TYW1: variants seen among roughly 807,000 people sequenced by gnomAD.
TYW1 encodes the protein tRNA-yW synthesizing protein 1 homolog.
In TYW1, 46 loss-of-function variants were observed where a neutral mutation model predicts 96.2. The ratio of observed to expected loss-of-function variants is 0.48; its 90% CI spans 0.38 to 0.61. The LOEUF is 0.61. Ranked by LOEUF, TYW1 falls within the 20% of genes least tolerant of loss-of-function variation. TYW1 has a pLI of 0.00. For synonymous variants in TYW1, 274 were observed against 323.0 expected, an observed-to-expected ratio of 0.85 and a Z score of 1.63; for missense variants, 684 against 909.6, an observed-to-expected ratio of 0.75 and a Z score of 3.19.
At chr7:67,213,292 T>C (rs1801099973) in intron 15 of TYW1, among the ~76,000 whole-genome samples, 1 of 152,132 alleles carries the variant, frequency 6.6e-6, no homozygotes, top group Admixed American at 6.5e-5. Context: ...CTCACTCTCT[T>C]AAGTAGCTGG....
chr7:67,066,835 A>C (rs2115668519), intron 9 of TYW1, among the ~76,000 whole-genome samples: 1 of 152,344 alleles, frequency 6.6e-6, no homozygotes, highest in South Asian at 2.1e-4. Flanking sequence ...GGAACAGAGC[A>C]AGACCCTGTC....
chr7:67,023,261 T>A (rs1794338887), intron 6 of TYW1, among the ~76,000 whole-genome samples: 1 of 152,010 alleles, frequency 6.6e-6, no homozygotes, highest in Non-Finnish European at 1.5e-5. Flanking sequence ...CACGCTCGGC[T>A]AATTTTTGTA....
intron 13 of TYW1, among the ~76,000 whole-genome samples, chr7:67,149,153 T>G (rs1798710609): frequency 6.6e-6 from 1 of 152,230 alleles, no homozygotes; most frequent in South Asian, 2.1e-4. Flanking sequence ...CTATTGCCAT[T>G]TTGGAGATTA....
chr7:67,132,141 G>T (rs1184955627), intron 13 of TYW1, among the ~76,000 whole-genome samples: 1 of 139,754 alleles, frequency 7.2e-6, no homozygotes, highest in African/African-American at 2.9e-5. Context: ...ACAGGGTCTT[G>T]CTCTGTTGCC....
intron 1 of TYW1, among the ~76,000 whole-genome samples, chr7:66,997,801 GTATTTT>G (rs1466563804): frequency 1.3e-5 from 2 of 152,058 alleles, no homozygotes; most frequent in East Asian, 3.9e-4. Flanking sequence ...GCTAATTTTT[GTATTTT>G]TAGTAGAGGC....
chr7:67,183,819 ATATTT>A lies in TYW1; in HGVS notation c.1809+605_1809+609del, dbSNP rs10644987. ...ACTCTTATTTTATTTACTTTATTTC[ATATTT>A]TATTTTATTTTATTTTATTTTGAGA... On this transcript the variant is annotated intron_variant, in intron 14 of 15. Coordinates refer to ENST00000359626, the MANE Select transcript of TYW1 (RefSeq NM_018264.4). 4.3e-3 allele frequency among the ~76,000 whole-genome samples: 649 copies of A among 151,474 alleles called. 4 individuals are homozygous for A. The highest frequency in any genetic ancestry group is 0.015 in the African/African-American group (601 of 41,404).
At chr7:67,055,351 C>T (rs1452201355) in intron 8 of TYW1, among the ~76,000 whole-genome samples, 6 of 152,128 alleles carry the variant, frequency 3.9e-5, no homozygotes, top group Non-Finnish European at 5.9e-5. Context: ...AATCCCAGCA[C>T]TTTGGGAGGC....
At chr7:67,121,078 C>T (rs1797745043) in intron 13 of TYW1, among the ~76,000 whole-genome samples, 4 of 152,180 alleles carry the variant, frequency 2.6e-5, no homozygotes, top group Admixed American at 2.6e-4. Flanking sequence ...CAGGATGCTG[C>T]TCTTAAAAAT....
intron 10 of TYW1, among the ~76,000 whole-genome samples, chr7:67,080,060 T>C (rs538691066): frequency 6.2e-4 from 94 of 152,324 alleles, no homozygotes; most frequent in Middle Eastern, 3.4e-3. Context: ...AGGTGTAGTA[T>C]GAAATATTTT....
chr7:67,096,446 T>C (rs1272256936), intron 11 of TYW1, among the ~76,000 whole-genome samples: 1 of 152,074 alleles, frequency 6.6e-6, no homozygotes, highest in Non-Finnish European at 1.5e-5. Context: ...AGAAGACACA[T>C]GAACACGCTT....
chr7:67,002,219 A>G (rs1793420529), intron 3 of TYW1, among the ~76,000 whole-genome samples: 1 of 151,638 alleles, frequency 6.6e-6, no homozygotes, highest in Non-Finnish European at 1.5e-5. Context: ...GGCTAATTAA[A>G]AAAATTTTTT....
At chr7:67,053,608 G>C (rs1375056358) in intron 8 of TYW1, among the ~76,000 whole-genome samples, 1 of 152,064 alleles carries the variant, frequency 6.6e-6, no homozygotes, top group African/African-American at 2.4e-5. Flanking sequence ...TCAAACTCCT[G>C]ACCTCAGGTG....
At chr7:67,004,185 T>A (rs1793492947) in intron 3 of TYW1, among the ~76,000 whole-genome samples, 1 of 152,204 alleles carries the variant, frequency 6.6e-6, no homozygotes, top group Admixed American at 6.5e-5. Context: ...GCCATGATAT[T>A]TTGTCTGGAT....
At chr7:67,080,708 T>G (rs1220125002) in intron 10 of TYW1, among the ~76,000 whole-genome samples, 2 of 152,114 alleles carry the variant, frequency 1.3e-5, no homozygotes. Context: ...TGCTTTTGGT[T>G]TTGGTTTGTG....
chr7:67,196,163 G>C (rs1311260403), intron 15 of TYW1, among the ~76,000 whole-genome samples: 1 of 151,444 alleles, frequency 6.6e-6, no homozygotes, highest in Non-Finnish European at 1.5e-5. Context: ...TCTTGCTTCA[G>C]CTGTGTCTCC....
rs1801976879 is a variant in TYW1, at chr7:67,238,866, G to A, written c.*337G>A. ...CTGCCAGAATGCTAGTCCCGAGAGT[G>A]TCAGACAAGGAAGAAGTCCCTGGGC... On this transcript the variant is annotated 3_prime_UTR_variant, in exon 16 of 16. Transcript: ENST00000359626. The A allele has an allele frequency of 9.1e-7, 1 of 1,100,916 alleles. No homozygotes were observed. The highest frequency in any genetic ancestry group is 1.1e-6 in the Non-Finnish European group (1 of 900,218). 68.2% of individuals were successfully genotyped at this position (1,100,916 alleles called of 1,614,324 possible). A position where few individuals can be genotyped will look rare whatever the true frequency, so the allele number is the denominator to read the frequency against.
chr7:67,002,747 C>T (rs1223022271), intron 3 of TYW1, among the ~76,000 whole-genome samples: 1 of 150,726 alleles, frequency 6.6e-6, no homozygotes, highest in African/African-American at 2.4e-5. Context: ...CTTTTCATTT[C>T]TTTTTTTCTG....
chr7:67,213,021 G>A (rs1801089114), intron 15 of TYW1, among the ~76,000 whole-genome samples: 1 of 151,816 alleles, frequency 6.6e-6, no homozygotes, highest in African/African-American at 2.4e-5. Flanking sequence ...GATTACAGGT[G>A]CCACCACACC....
chr7:67,094,632 AAGAG>A (rs367982102), intron 11 of TYW1, among the ~76,000 whole-genome samples: 8 of 138,888 alleles, frequency 5.8e-5, no homozygotes, highest in East Asian at 4.4e-4. Flanking sequence ...GTGTGGGAGG[AAGAG>A]AGAGAGAGAA....
Sources: gnomAD v4.1 joint callset for allele counts (sites outside exome capture counted in the v4.1 genomes callset) on GRCh38, gnomAD v4.1.1 for gene constraint, MANE v1.5 for transcripts, NCBI Gene and HGNC (gene_info 2026-07-23, HGNC 2026-07-21) for gene names.